Variants in KIAA1217 observed in about 807,000 individuals in gnomAD.
KIAA1217 encodes sickle tail protein homolog.
Under a neutral mutation model 163.9 loss-of-function variants are expected in KIAA1217, and 88 were observed. The observed-to-expected ratio is 0.54, with a 90% confidence interval of 0.45 to 0.64. The LOEUF (loss-of-function observed/expected upper bound fraction) is 0.64. Among genes scored for constraint, KIAA1217 ranks in the 30% least tolerant of loss-of-function variants. The pLI, the probability that KIAA1217 is intolerant of heterozygous loss-of-function variation, is 0.00. For missense variants in KIAA1217, 2,372 were observed against 2,475.0 expected (o/e 0.96, Z 0.88); for synonymous variants, 903 against 923.1 (o/e 0.98, Z 0.39).
intron 2 of KIAA1217, among the ~76,000 whole-genome samples, chr10:24,277,307 C>G (rs779149701): frequency 1.2e-4 from 18 of 152,122 alleles, no homozygotes; most frequent in Non-Finnish European, 2.5e-4. Context: ...TGAGGTTGAC[C>G]CTGGTGTGGT....
At chr10:23,709,559 G>A (rs898579828) in intron 1 of KIAA1217, among the ~76,000 whole-genome samples, 9 of 151,700 alleles carry the variant, frequency 5.9e-5, no homozygotes, top group Non-Finnish European at 1.2e-4. Context: ...TAAAGAAATA[G>A]AAACTTCCTT....
At chr10:24,209,132 G>A, upstream of KIAA1217, 1 of 1,525,572 alleles carries the variant, frequency 6.6e-7, no homozygotes, top group Middle Eastern at 1.9e-4. Context: ...CTTTCTGGGA[G>A]CTTTTAGAAC....
chr10:24,344,055 T>G (rs2047422961), intron 2 of KIAA1217, among the ~76,000 whole-genome samples: 1 of 152,238 alleles, frequency 6.6e-6, no homozygotes, highest in Admixed American at 6.5e-5. Flanking sequence ...TTGAAACTGC[T>G]TAATGAAGAG....
At chr10:24,456,593 C>G (rs2061811656) in intron 5 of KIAA1217, among the ~76,000 whole-genome samples, 1 of 152,114 alleles carries the variant, frequency 6.6e-6, no homozygotes, top group African/African-American at 2.4e-5. Flanking sequence ...AGATTCCCAG[C>G]AGGGAAAAAC....
intron 2 of KIAA1217, among the ~76,000 whole-genome samples, chr10:24,259,593 C>A (rs2075522335): frequency 6.6e-6 from 1 of 152,182 alleles, no homozygotes; most frequent in Non-Finnish European, 1.5e-5. Flanking sequence ...CCAGCCAGGG[C>A]AACAGAGCAA....
At chr10:24,175,441 A>ATG (rs1480890296) in intron 2 of KIAA1217, among the ~76,000 whole-genome samples, 17 of 125,866 alleles carry the variant, frequency 1.4e-4, no homozygotes, top group East Asian at 4.7e-4. Flanking sequence ...TGGTGTATAT[A>ATG]TATGTGTGTG....
intron 2 of KIAA1217, among the ~76,000 whole-genome samples, chr10:24,306,232 A>G (rs998790839): frequency 1.3e-5 from 2 of 152,216 alleles, no homozygotes; most frequent in African/African-American, 4.8e-5. Flanking sequence ...CACAGCAACC[A>G]ACTTGGAAAT....
intron 1 of KIAA1217, among the ~76,000 whole-genome samples, chr10:23,988,516 T>C (rs1195867570): frequency 6.6e-6 from 1 of 152,240 alleles, no homozygotes; most frequent in African/African-American, 2.4e-5. Context: ...AGAGTTTATA[T>C]ATTTCTGAAC....
chr10:23,826,094 G>A (rs896709626), intron 1 of KIAA1217, among the ~76,000 whole-genome samples: 2 of 152,024 alleles, frequency 1.3e-5, no homozygotes, highest in Non-Finnish European at 2.9e-5. Flanking sequence ...CTAACTTTGT[G>A]ATGTAAGAGT....
chr10:24,017,937 T>C lies in KIAA1217; in HGVS notation c.-171+10563T>C, dbSNP rs12258335. Among the ~76,000 whole-genome samples the C allele has an allele frequency of 8.3e-3, 1,256 of 152,212 alleles. 14 individuals are homozygous for C. The highest frequency in any genetic ancestry group is 0.029 in the African/African-American group (1,187 of 41,542). On this transcript the variant is annotated intron_variant, in intron 2 of 18. Transcript: ENST00000376462. ...ATGGAGATAATTGCTTGCCTCACTG[T>C]TTAGGGAGAGCACAAAAAAGAAAAT...
At chr10:24,158,338 C>T (rs1589714961) in intron 2 of KIAA1217, 2 of 670,722 alleles carry the variant, frequency 3.0e-6, no homozygotes, top group South Asian at 1.4e-5. Context: ...AGAAGGTCAC[C>T]TTGATGACAC....
chr10:24,250,394 G>A (rs1386463793), intron 2 of KIAA1217, among the ~76,000 whole-genome samples: 2 of 150,542 alleles, frequency 1.3e-5, no homozygotes, highest in African/African-American at 2.4e-5. Flanking sequence ...AATTTTACGC[G>A]TGTTTCCAAA....
Position 24,219,644 on chromosome 10 carries a change from T to C in KIAA1217, c.89T>C (p.Leu30Pro). The change falls in exon 2 of 21, where the codon CTG (leucine) becomes CCG (proline). Residue 30 changes from leucine (L) to proline (P), a missense_variant. Coordinates refer to ENST00000376454, the MANE Select transcript of KIAA1217 (RefSeq NM_019590.5). ...CTTTCAGAACAAGGCAAAGGCAATC[T>C]GCATGTAACATCACCAGAAGATGCA... Reference protein sequence around the residue: ...RQMQEQGKGNLHVTSPEDAEC... With the variant: ...RQMQEQGKGNPHVTSPEDAEC... 1.2e-6 allele frequency: 2 copies of C among 1,602,788 alleles called. No individual in the cohort carries two copies. Among genetic ancestry groups the C allele is most frequent in the Non-Finnish European group, 1.7e-6 (2 of 1,173,608 alleles).
At chr10:23,918,080 A>G (rs1465873683) in intron 1 of KIAA1217, among the ~76,000 whole-genome samples, 1 of 151,178 alleles carries the variant, frequency 6.6e-6, no homozygotes, top group Non-Finnish European at 1.5e-5. Context: ...TGGTGTGATC[A>G]TGGCTCACTG....
chr10:23,890,594 C>T (rs1841376176), intron 1 of KIAA1217, among the ~76,000 whole-genome samples: 1 of 151,834 alleles, frequency 6.6e-6, no homozygotes. Context: ...TTTAACTTTA[C>T]TATGATAAGC....
At chr10:24,067,088 A>G (rs1479273609) in intron 2 of KIAA1217, among the ~76,000 whole-genome samples, 1 of 151,844 alleles carries the variant, frequency 6.6e-6, no homozygotes, top group Non-Finnish European at 1.5e-5. Context: ...ATTGGTTTGA[A>G]CTTCCTTCTT....
chr10:23,963,352 G>A (rs1207352145), intron 1 of KIAA1217, among the ~76,000 whole-genome samples: 1 of 152,146 alleles, frequency 6.6e-6, no homozygotes, highest in Non-Finnish European at 1.5e-5. Context: ...ACTTATGAGT[G>A]AGAACCTGCA....
Position 24,019,542 on chromosome 10 carries a change from G to C in KIAA1217, c.-171+12168G>C, listed in dbSNP as rs926135505. The stretch of plus-strand genomic sequence containing the variant: ...ATTTCAGATTGAAGATTTGGGGCAG[G>C]GGAGGGCAGACTTCTGTGAAAGATC... On this transcript the variant is annotated intron_variant, in intron 2 of 18. Coordinates refer to the KIAA1217 transcript ENST00000376462. 2.6e-5 allele frequency among the ~76,000 whole-genome samples: 4 copies of C among 151,868 alleles called. 1 individual carries two copies. The highest frequency in any genetic ancestry group is 2.6e-4 in the Admixed American group (4 of 15,206).
rs111231065 is a variant in KIAA1217, at chr10:23,839,023, C to G, written c.-321+143789C>G. Among the ~76,000 whole-genome samples the G allele has an allele frequency of 4.8e-3, 730 of 152,116 alleles. 10 individuals are homozygous for G. The highest frequency in any genetic ancestry group is 0.016 in the African/African-American group (660 of 41,480). ...CAGCTCCATTCTTTTCCTCCATATT[C>G]TTGAAAATCATCTAAATATTTTCCC... On this transcript the variant is annotated intron_variant, in intron 1 of 18. Transcript: ENST00000376462.
Sources: allele counts gnomAD v4.1 joint callset (sites outside exome capture counted in the v4.1 genomes callset), GRCh38; gene constraint gnomAD v4.1.1; transcripts MANE v1.5; gene names NCBI Gene and HGNC (gene_info 2026-07-23, HGNC 2026-07-21).